The following ESRRG variants were observed in gnomAD, a reference collection of about 807,000 sequenced individuals.
ESRRG encodes estrogen-related receptor gamma.
A neutral mutation model predicts 44.0 loss-of-function variants in ESRRG; 13 were observed. That is an observed-to-expected ratio of 0.30 (90% CI 0.19 to 0.47). The LOEUF (loss-of-function observed/expected upper bound fraction) is 0.47, where lower values mean the gene tolerates loss of function less well. Among genes scored for constraint, ESRRG ranks in the 20% least tolerant of loss-of-function variants. The pLI is 1.00. For synonymous variants in ESRRG, 215 were observed against 214.6 expected (o/e 1.00, Z -0.02); for missense variants, 395 against 580.6 (o/e 0.68, Z 3.29).
intron 5 of ESRRG, among the ~76,000 whole-genome samples, chr1:216,562,835 C>CCCTT (rs1307355039): frequency 2.0e-5 from 3 of 152,106 alleles, no homozygotes; most frequent in African/African-American, 7.2e-5. Context: ...CATCTCTAAA[C>CCCTT]CCTTCAATAG....
intron 5 of ESRRG, among the ~76,000 whole-genome samples, chr1:216,535,180 G>C (rs538158775): frequency 6.6e-6 from 1 of 152,256 alleles, no homozygotes; most frequent in South Asian, 2.1e-4. Flanking sequence ...GATTAAGAGT[G>C]AGAGAAGCTG....
chr1:216,959,579 T>C (rs2150158351), intron 1 of ESRRG: 1 of 152,020 alleles, frequency 6.6e-6, no homozygotes, highest in Non-Finnish European at 1.5e-5. Context: ...CTCAGCTGCT[T>C]GGAGGGCCGA....
At chr1:216,593,998 G>C (rs1275978974) in intron 3 of ESRRG, among the ~76,000 whole-genome samples, 1 of 152,170 alleles carries the variant, frequency 6.6e-6, no homozygotes, top group Non-Finnish European at 1.5e-5. Flanking sequence ...CTCTCAAAGT[G>C]CTGGGATTAT....
At chr1:216,773,447 G>A (rs1028101074) in intron 2 of ESRRG, among the ~76,000 whole-genome samples, 3 of 152,074 alleles carry the variant, frequency 2.0e-5, no homozygotes, top group Admixed American at 1.3e-4. Context: ...TGATCCCACT[G>A]AAGATTACCG....
chr1:217,073,571 C>T lies in ESRRG; in HGVS notation c.-106+15936G>A, dbSNP rs186130961. On this transcript the variant is annotated intron_variant, in intron 1 of 7. Transcript: ENST00000359162. ...AAAGAAAAACGGATTTTTCTGACTC[C>T]TCTTAAAGTTTCCATTTATAAAACC... Among the ~76,000 whole-genome samples the T allele has an allele frequency of 1.4e-3, 208 of 152,272 alleles. 1 individual carries two copies. Among genetic ancestry groups the T allele is most frequent in the African/African-American group, 4.8e-3 (198 of 41,558 alleles).
At chr1:216,852,153 C>G (rs1365468794) in intron 2 of ESRRG, among the ~76,000 whole-genome samples, 1 of 152,190 alleles carries the variant, frequency 6.6e-6, no homozygotes, top group Admixed American at 6.5e-5. Context: ...AGAAATACCC[C>G]TTTAAAAGTA....
At chr1:217,047,274 A>G (rs1192842028) in intron 1 of ESRRG, among the ~76,000 whole-genome samples, 1 of 152,154 alleles carries the variant, frequency 6.6e-6, no homozygotes, top group Non-Finnish European at 1.5e-5. Context: ...ATTACTAAAT[A>G]TGTCCACTTG....
chr1:216,572,046 A>G (rs2060903824), intron 3 of ESRRG, among the ~76,000 whole-genome samples: 2 of 152,128 alleles, frequency 1.3e-5, no homozygotes, highest in African/African-American at 2.4e-5. Context: ...AACTTTTTCA[A>G]TTCAAGTAGA....
At position 216,705,292 on chromosome 1, in the gene ESRRG, G is replaced by A. The variant is rs148779886; in HGVS notation, c.56+17952C>T. Among the ~76,000 whole-genome samples, 579 of 151,564 alleles carry A rather than the reference G, an allele frequency of 3.8e-3. 5 individuals carry two copies. Among genetic ancestry groups the A allele is most frequent in the African/African-American group, 0.012 (514 of 41,266 alleles). ...GTAGCCAACTAAAATATTCTGAATG[G>A]CCACATAAACGAATATAATTGACAT... On this transcript the variant is annotated intron_variant, in intron 1 of 6. Coordinates refer to ENST00000408911, the MANE Select transcript of ESRRG (RefSeq NM_001438.4).
chr1:216,506,628 T>C lies in ESRRG; in HGVS notation c.*311A>G, dbSNP rs11572832. On this transcript the variant is annotated 3_prime_UTR_variant, in exon 7 of 7. Transcript: ENST00000408911. ...AGAAGGCAGGCAGACGGGAAGAAAA[T>C]AAAGGAGAATGGGAACTAGGAATGA... The C allele has an allele frequency of 1.1e-5, 5 of 475,472 alleles. No individual in the cohort carries two copies. The East Asian group carries it at 2.9e-4, about 28-fold the overall frequency. 29.5% of individuals were successfully genotyped at this position (475,472 alleles called of 1,614,324 possible). A position where few individuals can be genotyped will look rare whatever the true frequency, so the allele number is the denominator to read the frequency against.
intron 2 of ESRRG, among the ~76,000 whole-genome samples, chr1:216,812,246 C>T (rs2094995307): frequency 6.6e-6 from 1 of 152,058 alleles, no homozygotes; most frequent in East Asian, 1.9e-4. Flanking sequence ...TTAACCTTGT[C>T]TGTTTTTAAC....
intron 2 of ESRRG, among the ~76,000 whole-genome samples, chr1:216,878,805 T>C (rs1314790316): frequency 1.3e-5 from 2 of 152,172 alleles, no homozygotes; most frequent in Admixed American, 1.3e-4. Flanking sequence ...TACTAAAAAA[T>C]ACTGCAAAAG....
chr1:216,977,425 G>C (rs1033910130), intron 1 of ESRRG, among the ~76,000 whole-genome samples: 3 of 150,926 alleles, frequency 2.0e-5, no homozygotes, highest in Non-Finnish European at 4.4e-5. Flanking sequence ...TTTAAAAGTA[G>C]ACTTTTATCT....
At chr1:216,721,102 T>A (rs2086171429) in intron 1 of ESRRG, among the ~76,000 whole-genome samples, 1 of 152,236 alleles carries the variant, frequency 6.6e-6, no homozygotes, top group Non-Finnish European at 1.5e-5. Flanking sequence ...CTATTAAATG[T>A]GAAACAAGCT....
chr1:216,976,916 C>G (rs570234643), intron 1 of ESRRG, among the ~76,000 whole-genome samples: 1 of 152,204 alleles, frequency 6.6e-6, no homozygotes, highest in South Asian at 2.1e-4. Flanking sequence ...TGGAGCTTCC[C>G]CTACTCTTTT....
At chr1:217,013,729 T>A (rs2078959978) in intron 1 of ESRRG, among the ~76,000 whole-genome samples, 1 of 152,180 alleles carries the variant, frequency 6.6e-6, no homozygotes, top group Admixed American at 6.5e-5. Flanking sequence ...TGAGATCATT[T>A]TAATTGCTAG....
At chr1:216,785,022 A>G (rs1230429726) in intron 2 of ESRRG, among the ~76,000 whole-genome samples, 1 of 152,028 alleles carries the variant, frequency 6.6e-6, no homozygotes, top group Non-Finnish European at 1.5e-5. Context: ...ATGTCCAAAC[A>G]TTTGCAGCCA....
chr1:216,677,523 A>G, intron 1 of ESRRG, 32 bp from the exon 2 acceptor site: 1 of 1,553,396 alleles, frequency 6.4e-7, no homozygotes, highest in Non-Finnish European at 8.7e-7. Context: ...GAGAGACAGA[A>G]AGAGGAGAGA....
At chr1:216,957,721 C>T (rs2068225698) in intron 1 of ESRRG, among the ~76,000 whole-genome samples, 1 of 152,180 alleles carries the variant, frequency 6.6e-6, no homozygotes, top group African/African-American at 2.4e-5. Context: ...CCCTCGGCCT[C>T]TTCAGTCTAT....
Sources: gnomAD v4.1 joint callset for allele counts (sites outside exome capture counted in the v4.1 genomes callset) on GRCh38, gnomAD v4.1.1 for gene constraint, MANE v1.5 for transcripts, NCBI Gene and HGNC (gene_info 2026-07-23, HGNC 2026-07-21) for gene names.